RBM47: variants seen among roughly 807,000 people sequenced by gnomAD.
RBM47 encodes RNA binding motif protein 47, also known as RNA-binding protein 47.
In RBM47, 21 loss-of-function variants were observed where a neutral mutation model predicts 47.1. The observed-to-expected ratio is 0.45, with a 90% CI of 0.32 to 0.64. The LOEUF (loss-of-function observed/expected upper bound fraction) is 0.64. Among genes scored for constraint, RBM47 ranks in the 30% least tolerant of loss-of-function variants. RBM47 has a pLI of 0.05. For synonymous variants in RBM47, 375 were observed against 361.7 expected, an observed-to-expected ratio of 1.04 and a Z score of -0.42; for missense variants, 708 against 870.9, an observed-to-expected ratio of 0.81 and a Z score of 2.35.
intron 3 of RBM47, among the ~76,000 whole-genome samples, chr4:40,463,587 C>T (rs1243698225): frequency 6.6e-6 from 1 of 151,964 alleles, no homozygotes; most frequent in Non-Finnish European, 1.5e-5. Context: ...GAATGTAGGC[C>T]TCACATATCT....
At chr4:40,550,499 AC>A (rs1244606749) in intron 1 of RBM47, among the ~76,000 whole-genome samples, 9 of 152,072 alleles carry the variant, frequency 5.9e-5, no homozygotes, top group African/African-American at 2.2e-4. Context: ...GCTCACTGCA[AC>A]CTCATCCTCC....
In RBM47 at chr4:40,600,999, A is replaced by AAGAAAG. The variant is rs1553907561; in HGVS notation, c.-240+28396_-240+28397insCTTTCT. 8.6e-3 allele frequency among the ~76,000 whole-genome samples: 1,272 copies of AAGAAAG among 147,366 alleles called. 54 individuals carry two copies. The highest frequency in any genetic ancestry group is 0.031 in the African/African-American group (1,177 of 38,052). ...AAACTCCGTCTCAAAAAAAAAAAAAAAAAGAAAGAAGAACATAAAAAAGAT... is the reference window on the plus strand; with the variant it reads ...AAACTCCGTCTCAAAAAAAAAAAAAAAGAAAGAAAGAAAGAAGAACATAAAAAAGAT... On this transcript the variant is annotated intron_variant, in intron 1 of 6. Transcript: ENST00000295971.
At chr4:40,466,456 T>C (rs1057094537) in intron 3 of RBM47, 121 bp downstream of exon 3, 2 of 152,114 alleles carry the variant, frequency 1.3e-5, no homozygotes, top group Admixed American at 6.6e-5. Flanking sequence ...TCCACTAACG[T>C]TGCCACATGA....
chr4:40,527,753 T>TGC (rs968922246), intron 2 of RBM47, among the ~76,000 whole-genome samples: 2 of 129,220 alleles, frequency 1.5e-5, no homozygotes, highest in African/African-American at 6.0e-5. Context: ...TGTGTGTGTG[T>TGC]GTGTGTGTTT....
chr4:40,428,261 G>C (rs751102203), intron 6 of RBM47, among the ~76,000 whole-genome samples: 1 of 152,122 alleles, frequency 6.6e-6, no homozygotes, highest in Non-Finnish European at 1.5e-5. Context: ...ACTATTCTAA[G>C]TGCCTTATTT....
At chr4:40,552,931 T>C (rs6819008) in intron 1 of RBM47, among the ~76,000 whole-genome samples, 67,554 of 152,002 alleles carry the variant, frequency 0.44, 18,609 homozygotes, top group African/African-American at 0.78. Context: ...TCAAATGCCA[T>C]CTCCTCCAAG....
chr4:40,430,379 G>T (rs1473697805), intron 6 of RBM47, among the ~76,000 whole-genome samples: 1 of 152,156 alleles, frequency 6.6e-6, no homozygotes, highest in Non-Finnish European at 1.5e-5. Context: ...AAGTGTTCAT[G>T]AATTTCTTAC....
chr4:40,493,771 CAAAA>C (rs369288548), intron 2 of RBM47, among the ~76,000 whole-genome samples: 8 of 118,066 alleles, frequency 6.8e-5, no homozygotes, highest in Non-Finnish European at 5.2e-5. Flanking sequence ...GACCCTGTCT[CAAAA>C]AAAAAAAAAA....
chr4:40,517,626 G>A (rs1356169407), intron 2 of RBM47, among the ~76,000 whole-genome samples: 2 of 152,056 alleles, frequency 1.3e-5, no homozygotes, highest in South Asian at 2.1e-4. Context: ...TGTGGGTTCC[G>A]CATCCCTGAA....
intron 2 of RBM47, chr4:40,543,883 C>A (rs1275438846): frequency 6.7e-6 from 1 of 149,116 alleles, no homozygotes; most frequent in Non-Finnish European, 1.5e-5. Context: ...CTATGCATTT[C>A]TTACCCTTAA....
chr4:40,477,054 G>C (rs1351544304), intron 2 of RBM47, among the ~76,000 whole-genome samples: 2 of 152,004 alleles, frequency 1.3e-5, no homozygotes, highest in Non-Finnish European at 2.9e-5. Context: ...GTGGTGGTGG[G>C]CTCCTGTAAT....
At chr4:40,475,957 A>G (rs547220966) in intron 2 of RBM47, among the ~76,000 whole-genome samples, 17 of 152,308 alleles carry the variant, frequency 1.1e-4, no homozygotes, top group Admixed American at 3.9e-4. Context: ...CTGAAACGGA[A>G]TGGAAACCCT....
intron 2 of RBM47, among the ~76,000 whole-genome samples, chr4:40,501,532 T>G (rs1723364816): frequency 6.6e-6 from 1 of 152,246 alleles, no homozygotes; most frequent in Admixed American, 6.5e-5. Flanking sequence ...GATACGCATG[T>G]GCCACAAAGT....
At chr4:40,564,945 A>G (rs6447200) in intron 1 of RBM47, among the ~76,000 whole-genome samples, 9,007 of 152,276 alleles carry the variant, frequency 0.059, 894 homozygotes, top group African/African-American at 0.2. Context: ...CAAGGGCCCC[A>G]GAGGCTGAAG....
chr4:40,606,888 T>C (rs1341508963), intron 1 of RBM47, among the ~76,000 whole-genome samples: 1 of 151,886 alleles, frequency 6.6e-6, no homozygotes, highest in Non-Finnish European at 1.5e-5. Context: ...GAGGCTGAGG[T>C]GGGAGGATCA....
chr4:40,551,534 A>G (rs1470742176), intron 1 of RBM47, among the ~76,000 whole-genome samples: 1 of 152,202 alleles, frequency 6.6e-6, no homozygotes, highest in Non-Finnish European at 1.5e-5. Flanking sequence ...AACATTGGCA[A>G]GCAGAATCCA....
intron 1 of RBM47, among the ~76,000 whole-genome samples, chr4:40,625,437 C>T (rs1419654686): frequency 1.3e-5 from 2 of 152,112 alleles, no homozygotes; most frequent in African/African-American, 4.8e-5. Flanking sequence ...GCTGACATTT[C>T]CTTGGTCAGG....
chr4:40,469,541 C>T (rs1406223668), intron 2 of RBM47, among the ~76,000 whole-genome samples: 1 of 151,094 alleles, frequency 6.6e-6, no homozygotes, highest in African/African-American at 2.4e-5. Context: ...TCAAGCGATT[C>T]TCCTGTCTCA....
chr4:40,457,098 T>C (rs909996756), intron 3 of RBM47, among the ~76,000 whole-genome samples: 2 of 152,078 alleles, frequency 1.3e-5, no homozygotes, highest in Non-Finnish European at 2.9e-5. Context: ...AGAGTCCAAA[T>C]ATAAAAGATA....
Sources: allele counts gnomAD v4.1 joint callset (sites outside exome capture counted in the v4.1 genomes callset), GRCh38; gene constraint gnomAD v4.1.1; transcripts MANE v1.5; gene names NCBI Gene and HGNC (gene_info 2026-07-23, HGNC 2026-07-21).